Variants in TRABD2B observed in about 807,000 individuals in gnomAD.
TRABD2B encodes the protein TraB domain containing 2B.
In TRABD2B, 14 loss-of-function variants were observed where a neutral mutation model predicts 40.1. That is an observed-to-expected ratio of 0.35 (90% CI 0.23 to 0.55). The LOEUF (loss-of-function observed/expected upper bound fraction) is 0.55. TRABD2B is among the 20% of genes least tolerant of loss of function. The pLI is 0.90. For missense variants in TRABD2B, 541 were observed against 648.6 expected, an observed-to-expected ratio of 0.83 and a Z score of 1.80; for synonymous variants, 263 against 277.0, an observed-to-expected ratio of 0.95 and a Z score of 0.50.
intron 2 of TRABD2B, among the ~76,000 whole-genome samples, chr1:47,815,348 G>A (rs1014475865): frequency 4.6e-5 from 7 of 152,172 alleles, no homozygotes; most frequent in African/African-American, 1.2e-4. Flanking sequence ...TATGTGAGGC[G>A]ATGAGAGCAG....
At chr1:47,835,317 T>C (rs1362421212) in intron 2 of TRABD2B, among the ~76,000 whole-genome samples, 2 of 152,058 alleles carry the variant, frequency 1.3e-5, no homozygotes, top group African/African-American at 2.4e-5. Flanking sequence ...AACATATGCA[T>C]ACTGGGAGTT....
At chr1:47,796,207 G>A (rs1287440938) in intron 3 of TRABD2B, among the ~76,000 whole-genome samples, 1 of 152,130 alleles carries the variant, frequency 6.6e-6, no homozygotes, top group Non-Finnish European at 1.5e-5. Context: ...ATTGAGGCAG[G>A]GAATCAGAAT....
At chr1:47,827,267 G>A (rs1031182022) in intron 2 of TRABD2B, among the ~76,000 whole-genome samples, 3 of 152,242 alleles carry the variant, frequency 2.0e-5, no homozygotes, top group Admixed American at 1.3e-4. Context: ...CCGGAAACAT[G>A]AATGCATCAG....
chr1:47,788,178 G>A (rs1464238550), intron 4 of TRABD2B, among the ~76,000 whole-genome samples: 1 of 152,166 alleles, frequency 6.6e-6, no homozygotes, highest in Non-Finnish European at 1.5e-5. Flanking sequence ...ATAAGTTGAT[G>A]GATATGGGAA....
At chr1:47,937,051 C>G (rs548303192) in intron 2 of TRABD2B, among the ~76,000 whole-genome samples, 172 of 147,850 alleles carry the variant, frequency 1.2e-3, no homozygotes, top group Admixed American at 4.0e-3. Context: ...ACCACCACCA[C>G]CATCATTATC....
chr1:47,965,003 G>A (rs755797019), intron 2 of TRABD2B, among the ~76,000 whole-genome samples: 2 of 151,694 alleles, frequency 1.3e-5, no homozygotes, highest in East Asian at 1.9e-4. Flanking sequence ...CATCTGACTC[G>A]ATCTTCAAAG....
At chr1:47,987,949 C>T (rs139839310) in intron 2 of TRABD2B, among the ~76,000 whole-genome samples, 10 of 152,304 alleles carry the variant, frequency 6.6e-5, no homozygotes, top group Non-Finnish European at 1.2e-4. Flanking sequence ...TGGAGGGGCT[C>T]TCCCTCCATG....
intron 2 of TRABD2B, among the ~76,000 whole-genome samples, chr1:47,908,622 C>T (rs1383825434): frequency 6.6e-6 from 1 of 152,204 alleles, no homozygotes; most frequent in African/African-American, 2.4e-5. Context: ...CTCCTCTGTC[C>T]CTTTTCCTTC....
At chr1:47,806,000 A>C (rs1290918868) in intron 2 of TRABD2B, among the ~76,000 whole-genome samples, 1 of 152,208 alleles carries the variant, frequency 6.6e-6, no homozygotes, top group Admixed American at 6.5e-5. Context: ...CCGTAGTCAA[A>C]GATGGGAAAC....
intron 2 of TRABD2B, among the ~76,000 whole-genome samples, chr1:47,909,834 T>TCC (rs1644737607): frequency 1.2e-3 from 1 of 852 alleles, no homozygotes; most frequent in East Asian, 0.1. Flanking sequence ...CTTTCTTGCT[T>TCC]TCTTTCTTTC....
chr1:47,927,806 T>G (rs751875621), intron 2 of TRABD2B, among the ~76,000 whole-genome samples: 42 of 152,210 alleles, frequency 2.8e-4, no homozygotes, highest in Non-Finnish European at 4.1e-4. Context: ...GCCCTGATCT[T>G]TGCATAGAAA....
Position 47,997,047 on chromosome 1 carries a change from C to T in TRABD2B, c.-258G>A. ...CGCTCAACCTCGCTGGCCGAGCCCC[C>T]GGGTGCTGAGGGCGTGTTGGGGTCC... On this transcript the variant is annotated 5_prime_UTR_variant, in exon 1 of 7. Coordinates refer to ENST00000606738, the MANE Select transcript of TRABD2B (RefSeq NM_001194986.2). 1.0e-6 allele frequency: 1 copy of T among 984,508 alleles called. No homozygotes were observed. Among genetic ancestry groups the T allele is most frequent in the Non-Finnish European group, 1.2e-6 (1 of 829,634 alleles). 61.0% of individuals were successfully genotyped at this position (984,508 alleles called of 1,614,324 possible).
chr1:47,806,972 C>A (rs925511391), intron 2 of TRABD2B, among the ~76,000 whole-genome samples: 1 of 152,216 alleles, frequency 6.6e-6, no homozygotes, highest in African/African-American at 2.4e-5. Flanking sequence ...AGGCCCCAAT[C>A]CACTCAGCCA....
rs201881656 is a variant in TRABD2B at position 47,863,372 on chromosome 1, TTA to T, written c.667-61755_667-61754del. The stretch of plus-strand genomic sequence containing the variant: ...ATAATTGGATATATCCTATATAATT[TTA>T]TATATATATATATATATATAATCTC... On this transcript the variant is annotated intron_variant, in intron 2 of 6. Transcript: ENST00000606738. Among the ~76,000 whole-genome samples, 291 of 66,466 alleles carry T rather than the reference TTA, an allele frequency of 4.4e-3. 27 individuals carry two copies. The highest frequency in any genetic ancestry group is 0.013 in the African/African-American group (241 of 19,060). The allele number at this position is 66,466 out of a possible 152,430, so 43.6% of individuals were successfully genotyped here. A position where few individuals can be genotyped will look rare whatever the true frequency, so the allele number is the denominator to read the frequency against.
At chr1:47,822,207 C>G (rs1046470502) in intron 2 of TRABD2B, among the ~76,000 whole-genome samples, 1 of 152,240 alleles carries the variant, frequency 6.6e-6, no homozygotes, top group South Asian at 2.1e-4. Context: ...TCAGCTCACC[C>G]CCGAGGCCTG....
Position 47,827,364 on chromosome 1 carries a change from A to G in TRABD2B, c.667-25745T>C, listed in dbSNP as rs77310575. Reference sequence around the variant, plus strand: ...GCATCTGCATGTGCTCTGCAGTGGGACCACCTAGGTTGGAATGCCTCTGTC... The same window carrying G: ...GCATCTGCATGTGCTCTGCAGTGGGGCCACCTAGGTTGGAATGCCTCTGTC... On this transcript the variant is annotated intron_variant, in intron 2 of 6. Coordinates refer to ENST00000606738, the MANE Select transcript of TRABD2B (RefSeq NM_001194986.2). Among the ~76,000 whole-genome samples, 1,230 of 152,322 alleles carry G rather than the reference A, an allele frequency of 8.1e-3. 13 individuals carry two copies. Among genetic ancestry groups the G allele is most frequent in the African/African-American group, 0.028 (1,170 of 41,580 alleles).
chr1:47,982,242 GCTTCA>G (rs1557694520), intron 2 of TRABD2B, among the ~76,000 whole-genome samples: 1 of 152,118 alleles, frequency 6.6e-6, no homozygotes, highest in Non-Finnish European at 1.5e-5. Flanking sequence ...TACAGAATGG[GCTTCA>G]CTTCAAGACA....
At chr1:47,896,702 TG>T (rs1338407953) in intron 2 of TRABD2B, among the ~76,000 whole-genome samples, 2 of 152,140 alleles carry the variant, frequency 1.3e-5, no homozygotes, top group African/African-American at 4.8e-5. Flanking sequence ...CCTCTCGGCC[TG>T]GGGAATACAG....
At chr1:47,950,033 C>T (rs188765038) in intron 2 of TRABD2B, among the ~76,000 whole-genome samples, 19 of 152,170 alleles carry the variant, frequency 1.2e-4, no homozygotes, top group African/African-American at 4.6e-4. Flanking sequence ...CGCCTGTAAT[C>T]CCAGCACTTT....
Sources: gnomAD v4.1 joint callset for allele counts (sites outside exome capture counted in the v4.1 genomes callset) on GRCh38, gnomAD v4.1.1 for gene constraint, MANE v1.5 for transcripts, NCBI Gene and HGNC (gene_info 2026-07-23, HGNC 2026-07-21) for gene names.